The following LMF1 variants were observed in gnomAD, a reference collection of about 807,000 sequenced individuals.
The protein encoded by LMF1 is transmembrane protein 112.
LMF1 carries 68 observed loss-of-function variants against 60.6 expected under a neutral mutation model. The ratio of observed to expected loss-of-function variants is 1.12; its 90% CI spans 0.92 to 1.37. The LOEUF is 1.37. Among genes scored for constraint, LMF1 ranks in the 40% most tolerant of loss-of-function variants. LMF1 has a pLI of 0.00. For synonymous variants in LMF1, 418 were observed against 324.7 expected, an observed-to-expected ratio of 1.29 and a Z score of -3.09; for missense variants, 948 against 767.2, an observed-to-expected ratio of 1.24 and a Z score of -2.78.
intron 2 of LMF1, among the ~76,000 whole-genome samples, chr16:944,045 G>T (rs1361104334): frequency 6.6e-6 from 1 of 152,180 alleles, no homozygotes; most frequent in Non-Finnish European, 1.5e-5. Flanking sequence ...CTTTCCAAAA[G>T]CTCAGTTAGG....
At chr16:859,189 G>A (rs2069335854) in intron 10 of LMF1, among the ~76,000 whole-genome samples, 1 of 135,046 alleles carries the variant, frequency 7.4e-6, no homozygotes, top group Admixed American at 6.9e-5. Context: ...TGGTGTCTCG[G>A]GACGGGTGTG....
intron 3 of LMF1, among the ~76,000 whole-genome samples, chr16:924,985 G>A (rs1040060786): frequency 3.9e-5 from 6 of 152,220 alleles, no homozygotes; most frequent in Admixed American, 6.5e-5. Context: ...CCCTCCAGCC[G>A]GCAGCGGGGG....
chr16:893,425 G>A (rs1406500269), intron 4 of LMF1: 1 of 464,552 alleles, frequency 2.2e-6, no homozygotes, highest in Middle Eastern at 3.2e-4. Context: ...CAGACCCCAC[G>A]GACAGTGTCA....
At chr16:857,009 A>T (rs1022906865) in intron 10 of LMF1, among the ~76,000 whole-genome samples, 1 of 152,274 alleles carries the variant, frequency 6.6e-6, no homozygotes, top group African/African-American at 2.4e-5. Context: ...GTATGATTTC[A>T]AGAATGAGTG....
upstream of LMF1, among the ~76,000 whole-genome samples, chr16:974,155 G>A (rs937664776): frequency 7.2e-5 from 11 of 152,166 alleles, no homozygotes; most frequent in Admixed American, 2.6e-4. Context: ...ATATTAAGGC[G>A]CATCTAGCAG....
chr16:869,845 C>T (rs770891562), intron 9 of LMF1, 38 bp downstream of exon 9: 16 of 1,591,716 alleles, frequency 1.0e-5, no homozygotes, highest in Middle Eastern at 1.7e-4. Context: ...GGGTGGGGTA[C>T]AGGCAGGTCC....
Position 976,369 on chromosome 16 carries a change from G to A in LMF1, c.-135+4776C>T, listed in dbSNP as rs142982659. On this transcript the variant is annotated intron_variant, in intron 1 of 6. Transcript: ENST00000570014. ...TCTGTAGTCCAGGTGTCTGGCGTCA[G>A]ACAGCACCCTCCTGTACACGGCACA... 914 of 454,152 alleles carry A rather than the reference G, an allele frequency of 2.0e-3. 4 individuals carry two copies. Among genetic ancestry groups the A allele is most frequent in the Non-Finnish European group, 2.9e-3 (656 of 226,788 alleles). 28.1% of individuals were successfully genotyped at this position (454,152 alleles called of 1,614,324 possible).
intron 10 of LMF1, among the ~76,000 whole-genome samples, chr16:865,010 A>G (rs2069573241): frequency 6.6e-6 from 1 of 151,852 alleles, no homozygotes. Context: ...TCTGTTTCTG[A>G]TTTCTTTGTT....
intron 4 of LMF1, among the ~76,000 whole-genome samples, chr16:902,895 G>A (rs2070859055): frequency 3.9e-5 from 3 of 77,642 alleles, no homozygotes; most frequent in Admixed American, 3.4e-4. Context: ...CTGCTGCGTG[G>A]TGGTGACCTC....
Position 856,402 on chromosome 16 carries a change from G to C in LMF1, c.1530-1696C>G, listed in dbSNP as rs114358148. 7.2e-3 allele frequency among the ~76,000 whole-genome samples: 1,095 copies of C among 152,310 alleles called. 6 individuals are homozygous for C. The highest frequency in any genetic ancestry group is 0.025 in the African/African-American group (1,040 of 41,568). On this transcript the variant is annotated intron_variant, in intron 10 of 10. Coordinates refer to ENST00000262301, the MANE Select transcript of LMF1 (RefSeq NM_022773.4). ...CGGCCGTGAGGGCGCTGGGCTGTGC[G>C]GGCAGCATGGTCCCTGCACACTCTC...
At position 879,558 on chromosome 16, in the gene LMF1, G is replaced by A. The variant is rs369008525; in HGVS notation, c.897+12C>T. The stretch of plus-strand genomic sequence containing the variant: ...CTGTGGACACGGGGCAGGGCGGGCG[G>A]CGCGGGCTCACCTGGAACAGGATCT... On this transcript the variant is annotated intron_variant, in intron 6 of 10. Coordinates refer to ENST00000262301, the MANE Select transcript of LMF1 (RefSeq NM_022773.4). 2.0e-5 allele frequency: 32 copies of A among 1,611,504 alleles called. No individual in the cohort carries two copies. In the African/African-American group the frequency reaches 3.5e-4, roughly 17 times the overall value.
intron 4 of LMF1, among the ~76,000 whole-genome samples, chr16:898,550 A>G (rs1226322572): frequency 1.3e-5 from 2 of 152,234 alleles, no homozygotes; most frequent in Non-Finnish European, 2.9e-5. Context: ...GGCAGAGCCA[A>G]GGGGTGGCAG....
chr16:855,410 C>G (rs1488195502), intron 10 of LMF1: 1 of 343,736 alleles, frequency 2.9e-6, no homozygotes, highest in Admixed American at 3.9e-5. Flanking sequence ...CCCTGGTGAC[C>G]AGGCCTGGTT....
At chr16:952,339 G>A (rs1054263908) in intron 2 of LMF1, among the ~76,000 whole-genome samples, 2 of 151,280 alleles carry the variant, frequency 1.3e-5, no homozygotes, top group Non-Finnish European at 2.9e-5. Context: ...GATGCCAGCT[G>A]CAGCCCTCCC....
In LMF1 at chr16:871,323, C is replaced by T. The variant is rs372159961; in HGVS notation, c.916G>A (p.Gly306Arg). Reference protein sequence around the residue: ...ILFQAVLIVSGNLSFLNWLTM... With the variant: ...ILFQAVLIVSRNLSFLNWLTM... ...AGCCAGTTCAGGAAGCTGAGGTTCC[C>T]GCTGACGATGAGGACGGCCTGTGGA... Residue 306 changes from glycine (G) to arginine (R), a missense_variant, in exon 7 of 11, where the codon GGG becomes AGG. Coordinates refer to ENST00000262301, the MANE Select transcript of LMF1 (RefSeq NM_022773.4). The T allele has an allele frequency of 2.5e-5, 41 of 1,612,220 alleles. No homozygotes were observed. In the Middle Eastern group the frequency reaches 5.0e-4, roughly 20 times the overall value.
chr16:958,703 G>C (rs996186217), intron 1 of LMF1, among the ~76,000 whole-genome samples: 18 of 152,064 alleles, frequency 1.2e-4, no homozygotes, highest in African/African-American at 4.3e-4. Flanking sequence ...CCTGGCCAAT[G>C]TGGTGAAACC....
intron 3 of LMF1, among the ~76,000 whole-genome samples, chr16:932,718 C>T (rs915308832): frequency 1.3e-5 from 2 of 152,068 alleles, no homozygotes; most frequent in Non-Finnish European, 1.5e-5. Flanking sequence ...CTGCACCCAC[C>T]CTGTTGTAAT....
In LMF1 at chr16:868,929, G is replaced by A. The variant is rs767108211; in HGVS notation, c.1529+15C>T. ...TGGGGGAGACCCCTGAGCAGCGGCA[G>A]GGAGGGCATCCTACCTGGGCGGGGG... On this transcript the variant is annotated intron_variant, in intron 10 of 10. Coordinates refer to ENST00000262301, the MANE Select transcript of LMF1 (RefSeq NM_022773.4). The A allele has an allele frequency of 1.9e-6, 3 of 1,547,482 alleles. No homozygotes were observed. The East Asian group carries it at 6.7e-5, about 35-fold the overall frequency.
At chr16:870,394 C>G (rs1013148704) in intron 8 of LMF1, among the ~76,000 whole-genome samples, 11 of 152,200 alleles carry the variant, frequency 7.2e-5, no homozygotes, top group African/African-American at 2.4e-4. Flanking sequence ...AGGGAGGGTG[C>G]CTGTGTTCAG....
Sources: gnomAD v4.1 joint callset for allele counts (sites outside exome capture counted in the v4.1 genomes callset) on GRCh38, gnomAD v4.1.1 for gene constraint, MANE v1.5 for transcripts, NCBI Gene and HGNC (gene_info 2026-07-23, HGNC 2026-07-21) for gene names.